The following WWC1 variants were observed in gnomAD, a reference collection of about 807,000 sequenced individuals.
The protein encoded by WWC1 is WW and C2 domain containing 1.
Under a neutral mutation model 138.4 loss-of-function variants are expected in WWC1, and 55 were observed. The observed-to-expected ratio is 0.40, with a 90% confidence interval of 0.32 to 0.50. The LOEUF (loss-of-function observed/expected upper bound fraction) is 0.50, where lower values mean the gene tolerates loss of function less well. Among genes scored for constraint, WWC1 ranks in the 20% least tolerant of loss-of-function variants. WWC1 has a pLI of 0.72. For synonymous variants in WWC1, 524 were observed against 564.9 expected (o/e 0.93, Z 1.03); for missense variants, 1,226 against 1,420.4 (o/e 0.86, Z 2.20).
chr5:168,313,077 G>A (rs972507094), intron 1 of WWC1, among the ~76,000 whole-genome samples: 5 of 151,974 alleles, frequency 3.3e-5, no homozygotes, highest in African/African-American at 1.2e-4. Context: ...CAAAGTGCAA[G>A]GATTACAGGC....
At chr5:168,353,415 A>C (rs1453600489) in intron 1 of WWC1, among the ~76,000 whole-genome samples, 1 of 152,246 alleles carries the variant, frequency 6.6e-6, no homozygotes, top group East Asian at 1.9e-4. Context: ...AGATGCTACT[A>C]GTGTGCAAAC....
chr5:168,339,895 GTCTCTCTCTCTTTCTC>G (rs1773859238), intron 1 of WWC1, among the ~76,000 whole-genome samples: 1 of 66,706 alleles, frequency 1.5e-5, no homozygotes, highest in Admixed American at 1.6e-4. Flanking sequence ...CTCTCTCTCT[GTCTCTCTCTCTTTCTC>G]TCTCTCTCTC....
intron 6 of WWC1, among the ~76,000 whole-genome samples, chr5:168,406,846 G>T (rs1779834615): frequency 6.6e-6 from 1 of 152,094 alleles, no homozygotes. Context: ...GGAGGCTGAG[G>T]CAGGAGAATG....
intron 1 of WWC1, among the ~76,000 whole-genome samples, chr5:168,305,338 C>T (rs1770458901): frequency 6.6e-6 from 1 of 152,134 alleles, no homozygotes; most frequent in Admixed American, 6.6e-5. Flanking sequence ...CTCCCTTCTC[C>T]AGGCCCTCAC....
rs369803435 is a variant in WWC1, at chr5:168,427,921, ACTGCACTC to A, written c.1811-110_1811-103del. ...GGCTGCAGTGAGCCATGATTGTGCCACTGCACTCCAGCCTGGATGAGTGAGACCCTGCC... is the reference window on the plus strand; with the variant it reads ...GGCTGCAGTGAGCCATGATTGTGCCACAGCCTGGATGAGTGAGACCCTGCC... On this transcript the variant is annotated intron_variant, in intron 11 of 22. Coordinates refer to ENST00000265293, the MANE Select transcript of WWC1 (RefSeq NM_015238.3). The A allele has an allele frequency of 1.4e-4, 112 of 786,662 alleles. 1 individual carries two copies. In the East Asian group the frequency reaches 3.0e-3, roughly 21 times the overall value. 48.7% of individuals were successfully genotyped at this position (786,662 alleles called of 1,614,324 possible). A position where few individuals can be genotyped will look rare whatever the true frequency, so the allele number is the denominator to read the frequency against.
At chr5:168,406,136 C>T (rs937016645) in intron 5 of WWC1, 62 bp from the exon 6 acceptor site, 1 of 1,591,124 alleles carries the variant, frequency 6.3e-7, no homozygotes, top group African/African-American at 1.3e-5. Flanking sequence ...GTGCTTTTCC[C>T]CTGGGGAGAC....
At position 168,464,974 on chromosome 5, in the gene WWC1, C is replaced by G; in HGVS notation, c.3150+12C>G. The G allele has an allele frequency of 6.2e-7, 1 of 1,612,934 alleles. No homozygotes were observed. Among genetic ancestry groups the G allele is most frequent in the Non-Finnish European group, 8.5e-7 (1 of 1,179,674 alleles). On this transcript the variant is annotated intron_variant, in intron 21 of 22. Transcript: ENST00000265293. ...TGCTGGAGAAGCGGGTGAGTTCTGC[C>G]TCGAAGGCAGGGGAGCCCTGCGCTC...
At chr5:168,442,621 G>C (rs918974669) in intron 16 of WWC1, among the ~76,000 whole-genome samples, 1 of 151,908 alleles carries the variant, frequency 6.6e-6, no homozygotes, top group African/African-American at 2.4e-5. Context: ...AGGATCTCTT[G>C]AGGTCAGGAG....
At chr5:168,414,846 G>T (rs1561731391) in intron 9 of WWC1, 4 of 501,376 alleles carry the variant, frequency 8.0e-6, no homozygotes, top group Non-Finnish European at 3.5e-6. Flanking sequence ...GTTCAAAAAT[G>T]TATCTTCTGA....
intron 1 of WWC1, among the ~76,000 whole-genome samples, chr5:168,338,600 CGG>C (rs1320324821): frequency 6.6e-6 from 1 of 151,724 alleles, no homozygotes; most frequent in Non-Finnish European, 1.5e-5. Flanking sequence ...TTAGTAGAGA[CGG>C]GGGTTTCTCC....
chr5:168,366,901 G>A lies in WWC1; in HGVS notation c.120-4523G>A, dbSNP rs560938198. 5.5e-5 allele frequency among the ~76,000 whole-genome samples: 8 copies of A among 145,604 alleles called. No individual in the cohort carries two copies. In the South Asian group the frequency reaches 1.6e-3, roughly 28 times the overall value. On this transcript the variant is annotated intron_variant, in intron 1 of 22. Coordinates refer to ENST00000265293, the MANE Select transcript of WWC1 (RefSeq NM_015238.3). Reference sequence around the variant, plus strand: ...CAGCCTCCGCCTCCCAGGTTCAAGCGATTCTCCTGGCTCAGCCTCCCGAGT... The same window carrying A: ...CAGCCTCCGCCTCCCAGGTTCAAGCAATTCTCCTGGCTCAGCCTCCCGAGT...
chr5:168,369,538 G>A (rs1007987285), intron 1 of WWC1, among the ~76,000 whole-genome samples: 5 of 152,130 alleles, frequency 3.3e-5, no homozygotes, highest in Non-Finnish European at 7.4e-5. Context: ...AAGTAGCTGG[G>A]ACTACAGGTG....
intron 22 of WWC1, 91 bp downstream of exon 22, chr5:168,468,055 T>A (rs1757446801): frequency 6.4e-7 from 1 of 1,561,390 alleles, no homozygotes; most frequent in South Asian, 1.2e-5. Context: ...TCTCATCCCT[T>A]GCTCACAGAG....
intron 1 of WWC1, among the ~76,000 whole-genome samples, chr5:168,356,523 C>G (rs562975116): frequency 6.6e-6 from 1 of 152,242 alleles, no homozygotes; most frequent in African/African-American, 2.4e-5. Context: ...ACACCCTGCT[C>G]TGATCTGGGA....
chr5:168,401,138 A>G (rs1279666683), intron 5 of WWC1, among the ~76,000 whole-genome samples: 1 of 152,116 alleles, frequency 6.6e-6, no homozygotes, highest in Non-Finnish European at 1.5e-5. Flanking sequence ...AGGAGGAGAG[A>G]AAGAAATTAA....
In WWC1 at chr5:168,414,440, A is replaced by G; in HGVS notation, c.1034A>G (p.Asn345Ser). 1 of 1,587,742 alleles carries G rather than the reference A, an allele frequency of 6.3e-7. No individual in the cohort carries two copies. Among genetic ancestry groups the G allele is most frequent in the Non-Finnish European group, 8.6e-7 (1 of 1,166,178 alleles). ...GAGAGGGACCGGCTGATCCTTATCAACGAGAAGGAGGAGCTGCTGAAGGAG... is the reference window on the plus strand; with the variant it reads ...GAGAGGGACCGGCTGATCCTTATCAGCGAGAAGGAGGAGCTGCTGAAGGAG... ...DSERDRLILI[N>S]EKEELLKEMR... The change falls in exon 9 of 23, where the codon AAC becomes AGC. Residue 345 changes from asparagine to serine, a missense_variant. This residue lies in a region of WWC1 where 1,016 missense variants were observed against 1,153.9 expected (regional missense o/e 0.88). Coordinates refer to ENST00000265293, the MANE Select transcript of WWC1 (RefSeq NM_015238.3).
intron 1 of WWC1, among the ~76,000 whole-genome samples, chr5:168,327,135 G>A (rs1772632330): frequency 1.3e-5 from 2 of 152,118 alleles, no homozygotes; most frequent in African/African-American, 2.4e-5. Context: ...CTTCCACAGG[G>A]CTTTCCAGAG....
intron 1 of WWC1, among the ~76,000 whole-genome samples, chr5:168,335,635 G>T (rs1387872847): frequency 2.6e-5 from 4 of 152,208 alleles, no homozygotes; most frequent in Non-Finnish European, 4.4e-5. Context: ...ACAGCTAGAG[G>T]TGGAAGTGCT....
At chr5:168,439,080 A>T (rs1754515027) in intron 15 of WWC1, among the ~76,000 whole-genome samples, 1 of 152,080 alleles carries the variant, frequency 6.6e-6, no homozygotes, top group African/African-American at 2.4e-5. Flanking sequence ...CTGGCACCTC[A>T]AGCATGGTGC....
Sources: gnomAD v4.1 joint callset for allele counts (sites outside exome capture counted in the v4.1 genomes callset) on GRCh38, gnomAD v4.1.1 for gene constraint, gnomAD v4.1.1 regional missense constraint, MANE v1.5 for transcripts, NCBI Gene and HGNC (gene_info 2026-07-23, HGNC 2026-07-21) for gene names.